NTRK2: variants seen among roughly 807,000 people sequenced by gnomAD.
The protein encoded by NTRK2 is BDNF/NT-3 growth factors receptor.
Under a neutral mutation model 94.5 loss-of-function variants are expected in NTRK2, and 13 were observed. The observed-to-expected ratio is 0.14, with a 90% CI of 0.09 to 0.22. The LOEUF is 0.22. Among genes scored for constraint, NTRK2 ranks in the 10% least tolerant of loss-of-function variants. NTRK2 has a pLI of 1.00. For missense variants in NTRK2, 639 were observed against 1,071.2 expected (o/e 0.60, Z 5.63); for synonymous variants, 372 against 407.4 (o/e 0.91, Z 1.05).
intron 2 of NTRK2, among the ~76,000 whole-genome samples, chr9:84,691,567 G>T (rs2060049816): frequency 6.6e-6 from 1 of 152,122 alleles, no homozygotes; most frequent in African/African-American, 2.4e-5. Context: ...AGCAGATGGT[G>T]GGGGCTGACA....
At chr9:84,864,736 CTTTTTTTTTTTTTT>C (rs71369154) in intron 13 of NTRK2, among the ~76,000 whole-genome samples, 1 of 104,590 alleles carries the variant, frequency 9.6e-6, no homozygotes, top group Non-Finnish European at 1.8e-5. Context: ...TCTTAATTTT[CTTTTTTTTTTTTTT>C]TTTTTTTTGA....
Position 84,845,250 on chromosome 9 carries a change from T to TACACACACACACACACAC in NTRK2, c.1397-15773_1397-15756dup, listed in dbSNP as rs58910921. On this transcript the variant is annotated intron_variant, in intron 12 of 18. Coordinates refer to ENST00000277120, the MANE Select transcript of NTRK2 (RefSeq NM_006180.6). ...AGTGGATAAAGAAAAATGTGGTGTA[T>TACACACACACACACACAC]ACACACACACACACACACACACACA... 1.2e-3 allele frequency among the ~76,000 whole-genome samples: 181 copies of TACACACACACACACACAC among 148,008 alleles called. 1 individual carries two copies. Among genetic ancestry groups the TACACACACACACACACAC allele is most frequent in the African/African-American group, 4.3e-3 (171 of 39,960 alleles).
At position 84,894,160 on chromosome 9, in the gene NTRK2, A is replaced by G. The variant is rs62562459; in HGVS notation, c.1633+26729A>G. Among the ~76,000 whole-genome samples, 19 of 5,244 alleles carry G rather than the reference A, an allele frequency of 3.6e-3. No individual in the cohort carries two copies. In the East Asian group the frequency reaches 0.04, roughly 11 times the overall value. The allele number at this position is 5,244 out of a possible 152,430, so 3.4% of individuals were successfully genotyped here. ...GGGGGTGTTTGGGTGTTACTTGACT[A>G]TTTGGGAGAATATATTTTTATAACA... On this transcript the variant is annotated intron_variant, in intron 14 of 18. Transcript: ENST00000277120.
At chr9:84,805,090 C>T (rs140385172) in intron 12 of NTRK2, among the ~76,000 whole-genome samples, 8 of 152,196 alleles carry the variant, frequency 5.3e-5, no homozygotes, top group South Asian at 2.1e-4. Context: ...GTTGAGTCCT[C>T]GGACACTTGT....
chr9:84,699,882 G>A (rs1417802159), intron 2 of NTRK2, among the ~76,000 whole-genome samples: 5 of 151,702 alleles, frequency 3.3e-5, no homozygotes, highest in African/African-American at 7.3e-5. Context: ...GAATAAAACC[G>A]GGGAGTTTAT....
chr9:84,983,697 G>A (rs1298198135), intron 17 of NTRK2, among the ~76,000 whole-genome samples: 1 of 152,116 alleles, frequency 6.6e-6, no homozygotes, highest in Non-Finnish European at 1.5e-5. Flanking sequence ...CCACTGTCAG[G>A]TACAAAAAAC....
chr9:84,719,169 A>G (rs2061900410), intron 6 of NTRK2, among the ~76,000 whole-genome samples: 1 of 152,180 alleles, frequency 6.6e-6, no homozygotes, highest in South Asian at 2.1e-4. Context: ...GTAGTGGTGA[A>G]GACCCTGACC....
At chr9:84,940,703 A>G (rs2078378137) in intron 15 of NTRK2, among the ~76,000 whole-genome samples, 1 of 151,954 alleles carries the variant, frequency 6.6e-6, no homozygotes, top group Non-Finnish European at 1.5e-5. Context: ...GGCTCACAAG[A>G]AAAGCACATT....
chr9:84,967,657 G>A (rs1329738329), intron 17 of NTRK2, among the ~76,000 whole-genome samples: 4 of 152,242 alleles, frequency 2.6e-5, no homozygotes, highest in Admixed American at 2.6e-4. Flanking sequence ...CAGCTATGTG[G>A]CCCACGCCCT....
intron 17 of NTRK2, among the ~76,000 whole-genome samples, chr9:85,014,443 G>A (rs906508271): frequency 3.3e-5 from 5 of 152,194 alleles, no homozygotes; most frequent in African/African-American, 1.2e-4. Flanking sequence ...ATGAAGAGTG[G>A]TGGAATAGAG....
chr9:84,778,082 C>T (rs1317520191), intron 12 of NTRK2, among the ~76,000 whole-genome samples: 1 of 152,082 alleles, frequency 6.6e-6, no homozygotes, highest in Non-Finnish European at 1.5e-5. Context: ...GGCAAAATGA[C>T]AAAGCGCTGT....
At chr9:84,957,821 C>T (rs1824340211) in intron 17 of NTRK2, among the ~76,000 whole-genome samples, 1 of 152,094 alleles carries the variant, frequency 6.6e-6, no homozygotes, top group African/African-American at 2.4e-5. Context: ...CTATTAATAG[C>T]TAAAAAGTGG....
intron 12 of NTRK2, among the ~76,000 whole-genome samples, chr9:84,818,502 A>G (rs921056627): frequency 6.6e-6 from 1 of 152,236 alleles, no homozygotes; most frequent in East Asian, 1.9e-4. Context: ...AATCCTTTTC[A>G]GATCTTGACT....
At chr9:84,696,001 G>T (rs1057245282) in intron 2 of NTRK2, among the ~76,000 whole-genome samples, 12 of 152,110 alleles carry the variant, frequency 7.9e-5, no homozygotes, top group African/African-American at 2.7e-4. Context: ...ATGCTTATCT[G>T]CTGAGGGCAA....
At chr9:84,785,976 T>G (rs1226643706) in intron 12 of NTRK2, among the ~76,000 whole-genome samples, 1 of 152,060 alleles carries the variant, frequency 6.6e-6, no homozygotes, top group Non-Finnish European at 1.5e-5. Context: ...GCACCAGAAT[T>G]TATTGCAACC....
intron 14 of NTRK2, among the ~76,000 whole-genome samples, chr9:84,921,861 A>G (rs1172917523): frequency 6.6e-6 from 1 of 152,190 alleles, no homozygotes; most frequent in African/African-American, 2.4e-5. Context: ...AAAACCAAAA[A>G]TCAAATGTGT....
intron 13 of NTRK2, among the ~76,000 whole-genome samples, chr9:84,864,740 T>TC (rs1306045188): frequency 3.0e-4 from 40 of 131,940 alleles, no homozygotes; most frequent in Middle Eastern, 6.9e-3. Flanking sequence ...AATTTTCTTT[T>TC]TTTTTTTTTT....
intron 12 of NTRK2, among the ~76,000 whole-genome samples, chr9:84,796,084 T>G (rs1353288442): frequency 6.6e-6 from 1 of 152,176 alleles, no homozygotes; most frequent in East Asian, 1.9e-4. Context: ...CATTAGCTAC[T>G]GCAACCAACA....
At chr9:84,845,250 T>TACACACACACACACACACAC (rs58910921) in intron 12 of NTRK2, among the ~76,000 whole-genome samples, 5 of 148,010 alleles carry the variant, frequency 3.4e-5, no homozygotes, top group African/African-American at 1.3e-4. Context: ...ATGTGGTGTA[T>TACACACACACACACACACAC]ACACACACAC....
Sources: gnomAD v4.1 joint callset for allele counts (sites outside exome capture counted in the v4.1 genomes callset) on GRCh38, gnomAD v4.1.1 for gene constraint, MANE v1.5 for transcripts, NCBI Gene and HGNC (gene_info 2026-07-23, HGNC 2026-07-21) for gene names.